The following PLEKHN1 variants were observed in gnomAD, a reference collection of about 807,000 sequenced individuals.
PLEKHN1 encodes the protein pleckstrin homology domain containing N1, also known as pleckstrin homology domain-containing family N member 1.
A neutral mutation model predicts 72.8 loss-of-function variants in PLEKHN1; 68 were observed. The observed-to-expected ratio is 0.93, with a 90% confidence interval of 0.77 to 1.14. The LOEUF (loss-of-function observed/expected upper bound fraction) is 1.14. Among genes scored for constraint, PLEKHN1 ranks in the 50% most tolerant of loss-of-function variants. PLEKHN1 has a pLI of 0.00. For missense variants in PLEKHN1, 1,015 were observed against 840.5 expected (o/e 1.21, Z -2.57); for synonymous variants, 454 against 371.6 (o/e 1.22, Z -2.55).
rs778274187 is a variant in PLEKHN1 at position 970,755 on chromosome 1, A to T, written c.481A>T (p.Thr161Ser). The T allele has an allele frequency of 6.2e-7, 1 of 1,612,246 alleles. No individual in the cohort carries two copies. The highest frequency in any genetic ancestry group is 2.2e-5 in the East Asian group (1 of 44,884). Residue 161 changes from threonine to serine, a missense_variant, in exon 5 of 16, where the codon ACA becomes TCA. By Grantham distance (58) the Thr-to-Ser change is moderately conservative. Coordinates refer to ENST00000379410, the MANE Select transcript of PLEKHN1 (RefSeq NM_032129.3). This position sits in a 1 kb window ranked among gnomAD's most constrained non-coding sequence, Gnocchi z 4.2. ...GTCCCGAGAGCACGCCTTCCAGATC[A>T]CAGGTGTTTGGGATGCTTCCCGGGC... is the stretch of plus-strand genomic sequence containing the variant. ...EGSREHAFQI[T>S]GPLPAPLLVL...
rs375402930 is a variant in PLEKHN1, at chr1:973,935, G to A, written c.1537G>A (p.Gly513Ser). 2.0e-5 allele frequency: 33 copies of A among 1,610,798 alleles called. No homozygotes were observed. The African/African-American group carries it at 2.3e-4, about 11-fold the overall frequency. Residue 513 changes from glycine to serine, a missense_variant, in exon 14 of 16, where the codon GGC becomes AGC. Transcript: ENST00000379410. ...CTCTGACCCTCGCTCCTGCTCCTCC[G>A]GCCCCGCTGGCCCCTACTTGCTCTC... The part of the protein sequence containing the change: ...PASDPRSCSS[G>S]PAGPYLLSKK...
rs199696862 is a variant in PLEKHN1 at position 974,582 on chromosome 1, C to A, written c.*7C>A. On this transcript the variant is annotated 3_prime_UTR_variant, in exon 16 of 16. Coordinates refer to ENST00000379410, the MANE Select transcript of PLEKHN1 (RefSeq NM_032129.3). ...GCTTGTGCAGTGGATCTGATGGCCG[C>A]GGTGAGGTGGGTTCTCAGGACCACC... 1.2e-6 allele frequency: 2 copies of A among 1,607,928 alleles called. No individual in the cohort carries two copies. The highest frequency in any genetic ancestry group is 1.1e-5 in the South Asian group (1 of 90,460).
At position 974,905 on chromosome 1, in the gene PLEKHN1, C is replaced by T. The variant is rs1053507856; in HGVS notation, c.*330C>T. On this transcript the variant is annotated 3_prime_UTR_variant, in exon 16 of 16. Coordinates refer to ENST00000379410, the MANE Select transcript of PLEKHN1 (RefSeq NM_032129.3). Reference sequence around the variant, plus strand: ...ACTCGCTGGGAGTGGGAGGGCAGCACGGGCGTGAAGGTCGGAGGACAGAGA... The same window carrying T: ...ACTCGCTGGGAGTGGGAGGGCAGCATGGGCGTGAAGGTCGGAGGACAGAGA... The T allele has an allele frequency of 1.7e-5, 6 of 362,248 alleles. No homozygotes were observed. The highest frequency in any genetic ancestry group is 3.1e-5 in the Non-Finnish European group (6 of 194,874). The allele number at this position is 362,248 out of a possible 1,614,324, so 22.4% of individuals were successfully genotyped here.
intron 2 of PLEKHN1, among the ~76,000 whole-genome samples, chr1:969,949 G>C (rs1236492069): frequency 2.0e-5 from 3 of 152,178 alleles, no homozygotes; most frequent in African/African-American, 7.2e-5. Context: ...CTGTGGAAAG[G>C]CTGAGTGTGC....
intron 2 of PLEKHN1, among the ~76,000 whole-genome samples, chr1:967,657 GAA>G: frequency 6.6e-6 from 1 of 152,210 alleles, no homozygotes; most frequent in African/African-American, 2.4e-5. Flanking sequence ...CGCCAGGCAG[GAA>G]GCTCGTGCCA....
chr1:974,272 C>T, intron 14 of PLEKHN1, 44 bp from the exon 15 acceptor site: 1 of 1,612,752 alleles, frequency 6.2e-7, no homozygotes, highest in South Asian at 1.1e-5. Context: ...AGCTCCCTGC[C>T]TGGGGCTGTG....
chr1:969,885 G>A (rs1004690275), intron 2 of PLEKHN1, among the ~76,000 whole-genome samples: 2 of 152,192 alleles, frequency 1.3e-5, no homozygotes, highest in Admixed American at 1.3e-4. Flanking sequence ...ACACGAATAT[G>A]CATGTATGCA....
chr1:970,468 C>T lies in PLEKHN1; in HGVS notation c.330+45C>T, dbSNP rs376758708. 1.2e-6 allele frequency: 2 copies of T among 1,613,064 alleles called. No individual in the cohort carries two copies. The highest frequency in any genetic ancestry group is 1.7e-6 in the Non-Finnish European group (2 of 1,179,918). On this transcript the variant is annotated intron_variant, in intron 3 of 15. Transcript: ENST00000379410. The surrounding 1 kb of genome is among the most constrained non-coding windows in gnomAD (Gnocchi z 4.2). ...GAGCACGCTAAGGGTGCAGCATCCC[C>T]ATCAGCCTGGGGCTCCCCAGACTCC...
chr1:972,787 G>C, intron 10 of PLEKHN1, 74 bp from the exon 11 acceptor site: 1 of 1,433,940 alleles, frequency 7.0e-7, no homozygotes. Context: ...AGGGGGGACA[G>C]CACGGTGGGT....
At chr1:972,624 C>T (rs556161397) in intron 10 of PLEKHN1, among the ~76,000 whole-genome samples, 200 bp downstream of exon 10, 155 of 152,174 alleles carry the variant, frequency 1.0e-3, no homozygotes, top group Non-Finnish European at 1.8e-3. Flanking sequence ...AAAAATTAGC[C>T]GGGCATGGCG....
intron 2 of PLEKHN1, among the ~76,000 whole-genome samples, chr1:967,949 G>C (rs936864551): frequency 1.3e-5 from 2 of 152,220 alleles, no homozygotes; most frequent in Admixed American, 1.3e-4. Flanking sequence ...TCGGGAAATG[G>C]GGCTGGGGGA....
At position 974,822 on chromosome 1, in the gene PLEKHN1, G is replaced by T. The variant is rs975155781; in HGVS notation, c.*247G>T. On this transcript the variant is annotated 3_prime_UTR_variant, in exon 16 of 16. Transcript: ENST00000379410. ...GCGAGGCTGGGTCACAGGTCAGGGAGGTCCTGGCCGTCCACAGGGTCGGCC... is the reference window on the plus strand; with the variant it reads ...GCGAGGCTGGGTCACAGGTCAGGGATGTCCTGGCCGTCCACAGGGTCGGCC... 2.7e-5 allele frequency: 15 copies of T among 553,212 alleles called. No individual in the cohort carries two copies. The highest frequency in any genetic ancestry group is 4.8e-5 in the Non-Finnish European group (15 of 315,654). 34.3% of individuals were successfully genotyped at this position (553,212 alleles called of 1,614,324 possible). A position where few individuals can be genotyped will look rare whatever the true frequency, so the allele number is the denominator to read the frequency against.
chr1:971,257 T>C (rs1293746737), intron 7 of PLEKHN1, 49 bp downstream of exon 7: 6 of 1,556,582 alleles, frequency 3.9e-6, no homozygotes, highest in Non-Finnish European at 4.3e-6. Flanking sequence ...GGGTGCATGG[T>C]GGTGGGCAGG....
chr1:974,244 A>G (rs1643500675), intron 14 of PLEKHN1, 72 bp from the exon 15 acceptor site: 1 of 1,602,860 alleles, frequency 6.2e-7, no homozygotes, highest in East Asian at 2.2e-5. Context: ...GGGGCTGCAC[A>G]GTGACAGGCC....
intron 2 of PLEKHN1, among the ~76,000 whole-genome samples, chr1:968,323 A>G (rs1314038703): frequency 9.2e-5 from 14 of 152,164 alleles, no homozygotes; most frequent in Non-Finnish European, 8.8e-5. Context: ...GGAGGAGGAC[A>G]CCTTCCCACT....
Position 973,636 on chromosome 1 carries a change from AG to A in PLEKHN1, c.1432del (p.Glu478SerfsTer89). The stretch of plus-strand genomic sequence containing the variant: ...AGGGTCACAGATGTCCGGGGCCTGG[AG>A]GAGGTCAGGCCCCTGCTGGGTGACA... ...HRRVTDVRGL[E>X]EFLSAMQSAR... On this transcript the variant is annotated frameshift_variant, in exon 13 of 16. Transcript: ENST00000379410. LOFTEE classifies it high-confidence loss of function. The A allele has an allele frequency of 6.2e-7, 1 of 1,612,344 alleles. No homozygotes were observed. The highest frequency in any genetic ancestry group is 8.5e-7 in the Non-Finnish European group (1 of 1,179,874).
intron 2 of PLEKHN1, among the ~76,000 whole-genome samples, chr1:969,516 A>G (rs1021408673): frequency 2.0e-5 from 3 of 151,640 alleles, no homozygotes; most frequent in Non-Finnish European, 2.9e-5. Flanking sequence ...ATAGGTGTGC[A>G]TGTGTATGTG....
At chr1:969,353 G>A (rs1235293908) in intron 2 of PLEKHN1, among the ~76,000 whole-genome samples, 1 of 145,652 alleles carries the variant, frequency 6.9e-6, no homozygotes, top group Non-Finnish European at 1.5e-5. Flanking sequence ...AAGTGTGTAT[G>A]TGTGCATGTG....
In PLEKHN1 at chr1:973,304, C is replaced by T; in HGVS notation, c.1271C>T (p.Pro424Leu). ...ARAEGRGPVT[P>L]LHLDLTQLHR... ...GCAGAGGGCCGCGGCCCTGTCACCC[C>T]ACTGCACCTGGACCTGACCCAGGTG... is the stretch of plus-strand genomic sequence containing the variant. The change falls in exon 12 of 16, where the codon CCA becomes CTA. Residue 424 changes from proline to leucine, a missense_variant. Coordinates refer to ENST00000379410, the MANE Select transcript of PLEKHN1 (RefSeq NM_032129.3). The T allele has an allele frequency of 6.5e-7, 1 of 1,546,706 alleles. No homozygotes were observed. The highest frequency in any genetic ancestry group is 8.8e-7 in the Non-Finnish European group (1 of 1,141,836).
Sources: allele counts gnomAD v4.1 joint callset (sites outside exome capture counted in the v4.1 genomes callset), GRCh38; gene constraint gnomAD v4.1.1; non-coding constraint Gnocchi (gnomAD v3.1); transcripts MANE v1.5; gene names NCBI Gene and HGNC (gene_info 2026-07-23, HGNC 2026-07-21).